The following RUBCN variants were observed in gnomAD, a reference collection of about 807,000 sequenced individuals.
The protein encoded by RUBCN is rubicon autophagy regulator.
In RUBCN, 74 loss-of-function variants were observed where a neutral mutation model predicts 113.2. The ratio of observed to expected loss-of-function variants is 0.65; its 90% CI spans 0.54 to 0.79. The LOEUF is 0.79. Ranked by LOEUF, RUBCN falls within the 30% of genes least tolerant of loss-of-function variation. The pLI, the probability that RUBCN is intolerant of heterozygous loss-of-function variation, is 0.00. For synonymous variants in RUBCN, 480 were observed against 490.0 expected, an observed-to-expected ratio of 0.98 and a Z score of 0.27; for missense variants, 1,109 against 1,251.7, an observed-to-expected ratio of 0.89 and a Z score of 1.72.
chr3:197,675,319 G>A lies in RUBCN; in HGVS notation c.2740+103C>T, dbSNP rs1371208369. ...GTGGTGTCCCCTGGGGAGGCCCCGCGAGGTGCTGAGTGGCACCGAACTCTT... is the reference window on the plus strand; with the variant it reads ...GTGGTGTCCCCTGGGGAGGCCCCGCAAGGTGCTGAGTGGCACCGAACTCTT... On this transcript the variant is annotated intron_variant, in intron 19 of 19. Transcript: ENST00000296343. The surrounding 1 kb of genome is among the most constrained non-coding windows in gnomAD (Gnocchi z 4.4). 1.2e-5 allele frequency: 18 copies of A among 1,495,772 alleles called. No homozygotes were observed. The highest frequency in any genetic ancestry group is 6.8e-5 in the East Asian group (3 of 44,360). 92.7% of individuals were successfully genotyped at this position (1,495,772 alleles called of 1,614,324 possible). A position where few individuals can be genotyped will look rare whatever the true frequency, so the allele number is the denominator to read the frequency against.
chr3:197,737,685 A>T (rs1728292860), upstream of RUBCN, among the ~76,000 whole-genome samples: 1 of 152,148 alleles, frequency 6.6e-6, no homozygotes, highest in Non-Finnish European at 1.5e-5. Context: ...ATGCAAATCA[A>T]GAAGTGATTT....
At chr3:197,679,229 A>T (rs1172562516) in intron 16 of RUBCN, among the ~76,000 whole-genome samples, 1 of 128,190 alleles carries the variant, frequency 7.8e-6, no homozygotes. Context: ...CTCTAACTCG[A>T]CAAGTGGCTT....
rs1475989782 is a variant in RUBCN at position 197,700,810 on chromosome 3, G to A, written c.1064C>T (p.Ser355Phe). 6.2e-7 allele frequency: 1 copy of A among 1,614,096 alleles called. No homozygotes were observed. Among genetic ancestry groups the A allele is most frequent in the Non-Finnish European group, 8.5e-7 (1 of 1,179,972 alleles). The change falls in exon 7 of 20, where the codon TCC becomes TTC. Residue 355 changes from serine (S) to phenylalanine (F), a missense_variant. Around this residue, in one of 3 missense-constraint regions of RUBCN, gnomAD observed 736 missense variants for 779.6 expected, o/e 0.94. Coordinates refer to ENST00000296343, the MANE Select transcript of RUBCN (RefSeq NM_014687.4). Reference sequence around the variant, plus strand: ...ATCTGGCTTCTGGGAGCTGCTGGAGGAGAACAAATTGGAACTGCTGCTCTC... The same window carrying A: ...ATCTGGCTTCTGGGAGCTGCTGGAGAAGAACAAATTGGAACTGCTGCTCTC... Reference protein sequence around the residue: ...NAESSSSNLFSSSSSQKPDSA... With the variant: ...NAESSSSNLFFSSSSQKPDSA...
intron 7 of RUBCN, among the ~76,000 whole-genome samples, chr3:197,698,851 G>C (rs1026521292): frequency 7.5e-6 from 1 of 133,742 alleles, no homozygotes; most frequent in Non-Finnish European, 1.6e-5. Flanking sequence ...AAAAAAAAAA[G>C]TAAAAAAAAT....
At chr3:197,734,398 T>A (rs1727880651) in intron 1 of RUBCN, among the ~76,000 whole-genome samples, 2 of 148,398 alleles carry the variant, frequency 1.3e-5, no homozygotes, top group Non-Finnish European at 3.0e-5. Context: ...AGTGAGACCC[T>A]GTCTAAAAAA....
At chr3:197,676,100 A>C (rs1179202210) in intron 18 of RUBCN, 20 of 696,436 alleles carry the variant, frequency 2.9e-5, no homozygotes, top group Middle Eastern at 7.6e-4. Flanking sequence ...CGTGCGTTTG[A>C]GGAATACATA....
At chr3:197,740,342 G>A (rs1326139297), upstream of RUBCN, among the ~76,000 whole-genome samples, 2 of 151,348 alleles carry the variant, frequency 1.3e-5, no homozygotes, top group Non-Finnish European at 2.9e-5. Context: ...GGTGGCAGAC[G>A]CCTGTAATCC....
intron 5 of RUBCN, among the ~76,000 whole-genome samples, chr3:197,702,160 G>A (rs1723750238): frequency 6.6e-6 from 1 of 152,176 alleles, no homozygotes; most frequent in Non-Finnish European, 1.5e-5. Flanking sequence ...ACAGACTAGG[G>A]TTCAAATCCA....
In RUBCN at chr3:197,671,142, G is replaced by GTAGCTGGGATTACA. The variant is rs1719751248; in HGVS notation, c.*3862_*3875dup. ...TGATTCTCATGATTCAGCCTCCCGA[G>GTAGCTGGGATTACA]TAGCTGGGATTACAAGCACATGCCA... On this transcript the variant is annotated 3_prime_UTR_variant, in exon 20 of 20. Transcript: ENST00000296343. 6.6e-6 allele frequency among the ~76,000 whole-genome samples: 1 copy of GTAGCTGGGATTACA among 152,136 alleles called. No individual in the cohort carries two copies. The highest frequency in any genetic ancestry group is 2.1e-4 in the South Asian group (1 of 4,832).
intron 11 of RUBCN, among the ~76,000 whole-genome samples, chr3:197,688,061 T>C (rs1213707779): frequency 6.6e-6 from 1 of 152,176 alleles, no homozygotes; most frequent in Non-Finnish European, 1.5e-5. Flanking sequence ...AGTTTCACTC[T>C]TGTCACCCAG....
intron 2 of RUBCN, among the ~76,000 whole-genome samples, chr3:197,708,103 T>G (rs1369333827): frequency 6.6e-6 from 1 of 152,198 alleles, no homozygotes; most frequent in East Asian, 1.9e-4. Flanking sequence ...TGTTTAGCAT[T>G]TTTTATGATA....
intron 1 of RUBCN, among the ~76,000 whole-genome samples, chr3:197,743,198 G>A (rs7610233): frequency 0.037 from 5,648 of 150,692 alleles, 479 homozygotes; most frequent in African/African-American, 0.13. Context: ...CTGCAACCCC[G>A]TCTGTCATGT....
At chr3:197,698,301 T>C (rs1723234107) in intron 7 of RUBCN, among the ~76,000 whole-genome samples, 1 of 152,218 alleles carries the variant, frequency 6.6e-6, no homozygotes, top group Non-Finnish European at 1.5e-5. Flanking sequence ...CAAGCTAACA[T>C]ACCCAATGGC....
rs1006199609 is a variant in RUBCN, at chr3:197,672,250, G to C, written c.*2768C>G. 6.6e-6 allele frequency: 1 copy of C among 152,174 alleles called. No individual in the cohort carries two copies. Among genetic ancestry groups the C allele is most frequent in the African/African-American group, 2.4e-5 (1 of 41,422 alleles). 9.4% of individuals were successfully genotyped at this position (152,174 alleles called of 1,614,324 possible). On this transcript the variant is annotated 3_prime_UTR_variant, in exon 20 of 20. Coordinates refer to ENST00000296343, the MANE Select transcript of RUBCN (RefSeq NM_014687.4). ...CTTGAATCTTGTCTCCACCTGGTAA[G>C]CAAACTATGTTTTTTTTCTTTCCCT...
intron 2 of RUBCN, among the ~76,000 whole-genome samples, chr3:197,708,449 C>G (rs749197112): frequency 6.7e-6 from 1 of 148,734 alleles, no homozygotes; most frequent in African/African-American, 2.5e-5. Flanking sequence ...ATGTAAACAA[C>G]TTGAACATTT....
chr3:197,695,835 T>C (rs1219408083), intron 9 of RUBCN, 31 bp downstream of exon 9: 2 of 1,595,752 alleles, frequency 1.3e-6, no homozygotes, highest in Non-Finnish European at 1.7e-6. Context: ...TCCCAACTCA[T>C]GAGCTCTTCA....
chr3:197,728,239 C>A (rs532790980), intron 1 of RUBCN, among the ~76,000 whole-genome samples: 2 of 152,084 alleles, frequency 1.3e-5, no homozygotes, highest in East Asian at 1.9e-4. Context: ...CTTCAAAAAA[C>A]AAAAACAGCT....
intron 11 of RUBCN, among the ~76,000 whole-genome samples, chr3:197,692,854 A>G (rs1465422243): frequency 6.6e-6 from 1 of 152,224 alleles, no homozygotes; most frequent in Non-Finnish European, 1.5e-5. Context: ...TAGATTGTGT[A>G]AACAGGAAAT....
intron 1 of RUBCN, among the ~76,000 whole-genome samples, chr3:197,720,337 G>C (rs1176921790): frequency 6.6e-6 from 1 of 152,046 alleles, no homozygotes; most frequent in Admixed American, 6.6e-5. Flanking sequence ...TGCCAAAACT[G>C]AAAGAATTAA....
Sources: allele counts gnomAD v4.1 joint callset (sites outside exome capture counted in the v4.1 genomes callset), GRCh38; gene constraint gnomAD v4.1.1; regional missense constraint gnomAD v4.1.1; non-coding constraint Gnocchi (gnomAD v3.1); transcripts MANE v1.5; gene names NCBI Gene and HGNC (gene_info 2026-07-23, HGNC 2026-07-21).